STAU2: variants seen among roughly 807,000 people sequenced by gnomAD.
The protein encoded by STAU2 is double-stranded RNA-binding protein Staufen homolog 2.
A neutral mutation model predicts 65.9 loss-of-function variants in STAU2; 20 were observed. That is an observed-to-expected ratio of 0.30 (90% CI 0.21 to 0.44). The LOEUF (loss-of-function observed/expected upper bound fraction) is 0.44. Ranked by LOEUF, STAU2 falls within the 20% of genes least tolerant of loss-of-function variation. The pLI is 1.00. For synonymous variants in STAU2, 232 were observed against 233.9 expected, an observed-to-expected ratio of 0.99 and a Z score of 0.07; for missense variants, 558 against 683.9, an observed-to-expected ratio of 0.82 and a Z score of 2.05.
At chr8:73,533,155 A>C (rs7000246) in intron 13 of STAU2, among the ~76,000 whole-genome samples, 133,895 of 152,188 alleles carry the variant, frequency 0.88, 59,128 homozygotes, top group East Asian at 0.92. Flanking sequence ...TTATAAATTA[A>C]ATCATTTTGC....
At chr8:73,516,671 T>A (rs536979080) in intron 13 of STAU2, among the ~76,000 whole-genome samples, 1 of 152,250 alleles carries the variant, frequency 6.6e-6, no homozygotes, top group South Asian at 2.1e-4. Flanking sequence ...TAATTGAAGG[T>A]GTATTGCTAA....
intron 12 of STAU2, among the ~76,000 whole-genome samples, chr8:73,564,043 C>A (rs1379354143): frequency 3.9e-5 from 6 of 152,214 alleles, no homozygotes; most frequent in Non-Finnish European, 8.8e-5. Context: ...ACACCACCCC[C>A]CTAAGTCAGC....
intron 6 of STAU2, among the ~76,000 whole-genome samples, chr8:73,630,107 C>T (rs1479626432): frequency 2.6e-5 from 4 of 152,122 alleles, no homozygotes; most frequent in Non-Finnish European, 5.9e-5. Context: ...CTTGGATTAA[C>T]GTTAAACAAT....
chr8:73,481,167 G>T (rs1461569303), intron 13 of STAU2, among the ~76,000 whole-genome samples: 1 of 151,884 alleles, frequency 6.6e-6, no homozygotes, highest in Non-Finnish European at 1.5e-5. Flanking sequence ...CCTCTGAGTG[G>T]GAACCACTGT....
At chr8:73,551,773 G>C in intron 13 of STAU2, 1 of 1,174,890 alleles carries the variant, frequency 8.5e-7, no homozygotes, top group Non-Finnish European at 1.1e-6. Flanking sequence ...GCTTAAAAAA[G>C]AAGAAGGAAA....
intron 13 of STAU2, among the ~76,000 whole-genome samples, chr8:73,525,253 A>G (rs1049459607): frequency 4.6e-5 from 7 of 152,228 alleles, no homozygotes; most frequent in Admixed American, 4.6e-4. Flanking sequence ...TAATATAAAA[A>G]TGTCTTAATT....
chr8:73,518,984 G>A (rs956430037), intron 13 of STAU2, among the ~76,000 whole-genome samples: 19 of 152,154 alleles, frequency 1.2e-4, no homozygotes, highest in African/African-American at 4.6e-4. Flanking sequence ...AAACATTAAA[G>A]TTGATGTTCA....
chr8:73,427,865 T>C (rs935790530), intron 13 of STAU2, among the ~76,000 whole-genome samples: 1 of 152,280 alleles, frequency 6.6e-6, no homozygotes, highest in African/African-American at 2.4e-5. Context: ...ATGTGAATTA[T>C]TGGCATAAAT....
Position 73,552,430 on chromosome 8 carries a change from A to G in STAU2, c.1223-111T>C. 2.1e-6 allele frequency: 2 copies of G among 930,862 alleles called. 1 individual carries two copies. The highest frequency in any genetic ancestry group is 3.1e-6 in the Non-Finnish European group (2 of 637,456). The allele number at this position is 930,862 out of a possible 1,614,324, so 57.7% of individuals were successfully genotyped here. A position where few individuals can be genotyped will look rare whatever the true frequency, so the allele number is the denominator to read the frequency against. On this transcript the variant is annotated intron_variant, in intron 12 of 14. Transcript: ENST00000524300. ...GTGTAGTAACAAAGAAATGAGAAAC[A>G]CTGCCAAACAAGTATCTTTGTCATA...
At chr8:73,673,697 GA>G (rs1412027844) in intron 5 of STAU2, among the ~76,000 whole-genome samples, 1 of 152,016 alleles carries the variant, frequency 6.6e-6, no homozygotes, top group Admixed American at 6.6e-5. Flanking sequence ...CTTATCTAAT[GA>G]AAAAAGTTTT....
chr8:73,720,313 T>C (rs986848711), intron 3 of STAU2, among the ~76,000 whole-genome samples: 1 of 151,708 alleles, frequency 6.6e-6, no homozygotes, highest in Non-Finnish European at 1.5e-5. Context: ...TCTTCTTCCT[T>C]TGGGATTAAT....
intron 12 of STAU2, among the ~76,000 whole-genome samples, chr8:73,575,229 T>C (rs1270559891): frequency 2.6e-5 from 4 of 151,532 alleles, no homozygotes; most frequent in Admixed American, 1.3e-4. Flanking sequence ...AAATGGCTCA[T>C]AGATCTACCA....
At chr8:73,453,338 G>A (rs1317025304) in intron 13 of STAU2, among the ~76,000 whole-genome samples, 1 of 152,194 alleles carries the variant, frequency 6.6e-6, no homozygotes, top group African/African-American at 2.4e-5. Context: ...ATATCATGCT[G>A]TATATTCATG....
At chr8:73,471,600 C>T (rs1334309830) in intron 13 of STAU2, among the ~76,000 whole-genome samples, 3 of 150,624 alleles carry the variant, frequency 2.0e-5, no homozygotes, top group Non-Finnish European at 4.4e-5. Context: ...GGGTAAATCA[C>T]CCGAGGTCAG....
At chr8:73,516,373 T>A (rs557039161) in intron 13 of STAU2, among the ~76,000 whole-genome samples, 3 of 151,988 alleles carry the variant, frequency 2.0e-5, no homozygotes, top group Non-Finnish European at 2.9e-5. Context: ...AAAATTTAAT[T>A]TTCACATATT....
intron 13 of STAU2, among the ~76,000 whole-genome samples, chr8:73,542,093 TAAG>T (rs1806582265): frequency 6.6e-6 from 1 of 152,074 alleles, no homozygotes; most frequent in Non-Finnish European, 1.5e-5. Flanking sequence ...TTTACAGTTC[TAAG>T]AAGCTAAATG....
At chr8:73,612,665 TTGTATATA>T (rs1178801009) in intron 9 of STAU2, among the ~76,000 whole-genome samples, 35 of 152,362 alleles carry the variant, frequency 2.3e-4, no homozygotes, top group African/African-American at 8.2e-4. Flanking sequence ...GTAGTTATTT[TTGTATATA>T]TGTATATATG....
At chr8:73,508,640 T>C (rs1429397182) in intron 13 of STAU2, among the ~76,000 whole-genome samples, 1 of 152,200 alleles carries the variant, frequency 6.6e-6, no homozygotes, top group African/African-American at 2.4e-5. Context: ...CATAGGGTTG[T>C]CACAAACCTT....
chr8:73,426,926 ATTTT>A (rs34400355), intron 13 of STAU2, among the ~76,000 whole-genome samples: 1 of 129,930 alleles, frequency 7.7e-6, no homozygotes, highest in Non-Finnish European at 1.6e-5. Flanking sequence ...ATTTTTAAAG[ATTTT>A]TTTTTTTTTT....
Sources: gnomAD v4.1 joint callset for allele counts (sites outside exome capture counted in the v4.1 genomes callset) on GRCh38, gnomAD v4.1.1 for gene constraint, MANE v1.5 for transcripts, NCBI Gene and HGNC (gene_info 2026-07-23, HGNC 2026-07-21) for gene names.